The following PARD3 variants were observed in gnomAD, a reference collection of about 807,000 sequenced individuals.
PARD3 encodes partitioning defective 3 homolog.
A neutral mutation model predicts 155.4 loss-of-function variants in PARD3; 75 were observed. The observed-to-expected ratio is 0.48, with a 90% CI of 0.40 to 0.58. The LOEUF is 0.58. Ranked by LOEUF, PARD3 falls within the 20% of genes least tolerant of loss-of-function variation. The pLI is 0.00. For missense variants in PARD3, 1,642 were observed against 1,721.7 expected, an observed-to-expected ratio of 0.95 and a Z score of 0.82; for synonymous variants, 576 against 610.5, an observed-to-expected ratio of 0.94 and a Z score of 0.83.
At chr10:34,799,727 A>G (rs542588874) in intron 1 of PARD3, among the ~76,000 whole-genome samples, 1 of 152,126 alleles carries the variant, frequency 6.6e-6, no homozygotes, top group East Asian at 1.9e-4. Flanking sequence ...ACGGTGGCTG[A>G]CACTTGCAAT....
chr10:34,702,042 G>A (rs1344243959), intron 1 of PARD3, among the ~76,000 whole-genome samples: 1 of 151,992 alleles, frequency 6.6e-6, no homozygotes, highest in African/African-American at 2.4e-5. Context: ...GCGGGCACCT[G>A]TAATCCCACC....
chr10:34,385,739 T>C (rs1842287305), intron 7 of PARD3, among the ~76,000 whole-genome samples: 1 of 152,224 alleles, frequency 6.6e-6, no homozygotes. Context: ...ATCTGTTCCA[T>C]GGGCATTTAT....
chr10:34,440,394 T>C (rs1380913794), intron 5 of PARD3, among the ~76,000 whole-genome samples: 1 of 152,204 alleles, frequency 6.6e-6, no homozygotes, highest in African/African-American at 2.4e-5. Context: ...ATAAAGCATG[T>C]ATTCCTTCCA....
intron 12 of PARD3, among the ~76,000 whole-genome samples, chr10:34,365,166 T>C (rs767473411): frequency 7.2e-5 from 11 of 152,226 alleles, no homozygotes; most frequent in Non-Finnish European, 1.6e-4. Context: ...TTTAGTGATA[T>C]GGCCTACAAA....
intron 1 of PARD3, among the ~76,000 whole-genome samples, chr10:34,791,178 C>G (rs1004941660): frequency 6.6e-6 from 1 of 152,232 alleles, no homozygotes; most frequent in Non-Finnish European, 1.5e-5. Flanking sequence ...ACATTCTACA[C>G]TGCCCTGAGT....
chr10:34,470,398 T>C (rs907705184), intron 3 of PARD3, 135 bp from the exon 4 acceptor site: 13 of 591,202 alleles, frequency 2.2e-5, no homozygotes, highest in Middle Eastern at 3.9e-4. Context: ...TGGGTCAGTA[T>C]TCTAAACACA....
intron 22 of PARD3, among the ~76,000 whole-genome samples, chr10:34,222,515 G>C (rs1276104147): frequency 6.6e-6 from 1 of 152,196 alleles, no homozygotes; most frequent in Non-Finnish European, 1.5e-5. Flanking sequence ...AACACAAACA[G>C]CAGCAACAGC....
chr10:34,715,220 G>A (rs1485224395), intron 1 of PARD3, among the ~76,000 whole-genome samples: 1 of 151,928 alleles, frequency 6.6e-6, no homozygotes, highest in East Asian at 1.9e-4. Context: ...TGAGATTACA[G>A]GTACACACCA....
chr10:34,705,100 C>T (rs1324135386), intron 1 of PARD3, among the ~76,000 whole-genome samples: 4 of 152,042 alleles, frequency 2.6e-5, no homozygotes, highest in African/African-American at 7.3e-5. Context: ...AAAAATGAAT[C>T]ATTAGCACTT....
intron 22 of PARD3, among the ~76,000 whole-genome samples, chr10:34,265,700 A>G (rs775440451): frequency 6.6e-6 from 1 of 152,220 alleles, no homozygotes; most frequent in Non-Finnish European, 1.5e-5. Context: ...TAGTATAAGC[A>G]TATTCTAGAT....
At chr10:34,517,180 T>G (rs1347338908) in intron 2 of PARD3, 21 bp from the exon 3 acceptor site, 1 of 1,607,582 alleles carries the variant, frequency 6.2e-7, no homozygotes, top group African/African-American at 1.3e-5. Flanking sequence ...AAGGTAAATG[T>G]GCACTTATAA....
At chr10:34,778,564 T>C (rs1166350215) in intron 1 of PARD3, among the ~76,000 whole-genome samples, 4 of 152,112 alleles carry the variant, frequency 2.6e-5, no homozygotes. Context: ...TTGGCTGCCT[T>C]GAAAGGTGCC....
intron 5 of PARD3, among the ~76,000 whole-genome samples, chr10:34,414,453 A>G (rs1245081367): frequency 6.6e-6 from 1 of 152,076 alleles, no homozygotes; most frequent in Non-Finnish European, 1.5e-5. Flanking sequence ...GTTGGAAAGG[A>G]TCAGTTTTAA....
intron 2 of PARD3, among the ~76,000 whole-genome samples, chr10:34,695,738 C>T (rs895638386): frequency 6.6e-6 from 1 of 152,086 alleles, no homozygotes; most frequent in African/African-American, 2.4e-5. Context: ...GAGAAAAGGC[C>T]GAGCTTCCTG....
At chr10:34,451,842 T>C (rs1483107490) in intron 4 of PARD3, among the ~76,000 whole-genome samples, 1 of 150,554 alleles carries the variant, frequency 6.6e-6, no homozygotes, top group Non-Finnish European at 1.5e-5. Context: ...GGAAGCAAAC[T>C]AGAAACTAAG....
intron 22 of PARD3, among the ~76,000 whole-genome samples, chr10:34,245,528 C>T (rs1178267156): frequency 1.3e-5 from 2 of 151,764 alleles, no homozygotes; most frequent in South Asian, 2.1e-4. Context: ...GGTGTGGACA[C>T]GTAAATGCTG....
intron 2 of PARD3, among the ~76,000 whole-genome samples, chr10:34,684,868 TACACACACATAC>T (rs1370512848): frequency 1.1e-3 from 67 of 60,472 alleles, no homozygotes; most frequent in Non-Finnish European, 2.1e-3. Context: ...TGTATATATA[TACACACACATAC>T]ACACACACAC....
chr10:34,629,917 A>G (rs1489633949), intron 2 of PARD3, among the ~76,000 whole-genome samples: 1 of 152,216 alleles, frequency 6.6e-6, no homozygotes, highest in Non-Finnish European at 1.5e-5. Flanking sequence ...TATTTCATAT[A>G]TGTAGATATT....
intron 2 of PARD3, among the ~76,000 whole-genome samples, chr10:34,615,978 T>C (rs531883760): frequency 7.2e-5 from 11 of 152,274 alleles, no homozygotes; most frequent in African/African-American, 2.4e-4. Context: ...GGAGAACTCT[T>C]CTTGTGCACC....
Sources: allele counts gnomAD v4.1 joint callset (sites outside exome capture counted in the v4.1 genomes callset), GRCh38; gene constraint gnomAD v4.1.1; transcripts MANE v1.5; gene names NCBI Gene and HGNC (gene_info 2026-07-23, HGNC 2026-07-21).